Variants in STRA6 observed in about 807,000 individuals in gnomAD.
STRA6 encodes receptor for retinol uptake STRA6.
In STRA6, 48 loss-of-function variants were observed where a neutral mutation model predicts 83.6. That is an observed-to-expected ratio of 0.57 (90% CI 0.46 to 0.73). The LOEUF (loss-of-function observed/expected upper bound fraction) is 0.73, where lower values mean the gene tolerates loss of function less well. Ranked by LOEUF, STRA6 falls within the 30% of genes least tolerant of loss-of-function variation. STRA6 has a pLI of 0.00. For missense variants in STRA6, 760 were observed against 838.8 expected (o/e 0.91, Z 1.16); for synonymous variants, 353 against 362.3 (o/e 0.97, Z 0.29).
At chr15:74,206,022 C>T (rs139152519), upstream of STRA6, among the ~76,000 whole-genome samples, 23 of 152,344 alleles carry the variant, frequency 1.5e-4, no homozygotes, top group African/African-American at 5.5e-4. Flanking sequence ...CTGGGACTGG[C>T]TATGTGGCCT....
chr15:74,208,102 G>C (rs1428659791), intron 1 of STRA6: 1 of 1,135,656 alleles, frequency 8.8e-7, no homozygotes, highest in African/African-American at 1.6e-5. Context: ...ACACTGGTGA[G>C]GAGGAGGAGG....
upstream of STRA6, chr15:74,202,820 C>T: frequency 2.7e-6 from 3 of 1,091,194 alleles, no homozygotes; most frequent in Non-Finnish European, 3.3e-6. Context: ...TCCCTTGAGC[C>T]CCTCCCCCAG....
Position 74,202,041 on chromosome 15 carries a change from G to A in STRA6, c.113+114C>T, listed in dbSNP as rs2074093188. ...CCCAAGGTCACACAGCAAATGAGTG[G>A]CAGAGCCAGACCTAGCAGCCCCTGC... On this transcript the variant is annotated intron_variant, in intron 2 of 18. Transcript: ENST00000395105. The A allele has an allele frequency of 1.3e-5, 16 of 1,259,518 alleles. No homozygotes were observed. The South Asian group carries it at 3.3e-4, about 26-fold the overall frequency. The allele number at this position is 1,259,518 out of a possible 1,614,324, so 78.0% of individuals were successfully genotyped here.
chr15:74,208,058 G>A (rs1485874350), intron 1 of STRA6: 3 of 1,288,610 alleles, frequency 2.3e-6, no homozygotes, highest in Non-Finnish European at 3.0e-6. Context: ...ATAACATAAA[G>A]GATTTAGACC....
At chr15:74,194,127 C>T (rs1267401631) in intron 7 of STRA6, among the ~76,000 whole-genome samples, 1 of 152,020 alleles carries the variant, frequency 6.6e-6, no homozygotes, top group Non-Finnish European at 1.5e-5. Flanking sequence ...ATGCTCACCC[C>T]TCCCCCAGGC....
At chr15:74,197,263 C>A in intron 4 of STRA6, 75 bp downstream of exon 4, 1 of 1,121,544 alleles carries the variant, frequency 8.9e-7, no homozygotes, top group South Asian at 1.3e-5. Flanking sequence ...AGGTACCTAA[C>A]AAATCACCCA....
intron 11 of STRA6, among the ~76,000 whole-genome samples, chr15:74,190,150 C>T (rs1156552884): frequency 1.3e-5 from 2 of 152,174 alleles, no homozygotes; most frequent in African/African-American, 4.8e-5. Flanking sequence ...TGAGGGATGA[C>T]TGTGTCTGCA....
chr15:74,183,545 G>C, intron 14 of STRA6: 13 of 1,223,970 alleles, frequency 1.1e-5, no homozygotes, highest in Non-Finnish European at 1.3e-5. Context: ...AGCCCAGCCA[G>C]GAATGTACCA....
At chr15:74,184,717 C>T (rs1646485384) in intron 13 of STRA6, among the ~76,000 whole-genome samples, 1 of 152,216 alleles carries the variant, frequency 6.6e-6, no homozygotes, top group Admixed American at 6.5e-5. Context: ...ACTCAGGGGG[C>T]AAGCTCCACT....
At chr15:74,192,371 G>C (rs1489215584) in intron 8 of STRA6, among the ~76,000 whole-genome samples, 1 of 152,164 alleles carries the variant, frequency 6.6e-6, no homozygotes, top group Non-Finnish European at 1.5e-5. Context: ...GGCCTCAATA[G>C]GCAGGAGCTA....
chr15:74,194,924 G>T, intron 7 of STRA6: 1 of 1,422,102 alleles, frequency 7.0e-7, no homozygotes, highest in Non-Finnish European at 9.1e-7. Flanking sequence ...CCCTGACTTC[G>T]CACTTGCCGG....
upstream of STRA6, among the ~76,000 whole-genome samples, chr15:74,209,181 A>G (rs2074329174): frequency 6.6e-6 from 1 of 152,054 alleles, no homozygotes; most frequent in African/African-American, 2.4e-5. Context: ...GGGGCCCCAC[A>G]CAACACACAG....
At chr15:74,189,050 T>A in intron 12 of STRA6, 65 bp downstream of exon 12, 1 of 1,595,158 alleles carries the variant, frequency 6.3e-7, no homozygotes, top group Non-Finnish European at 8.6e-7. Context: ...GACTAGGGCA[T>A]AGACCTTGGG....
At chr15:74,187,827 G>T (rs866961813) in intron 12 of STRA6, among the ~76,000 whole-genome samples, 2 of 152,302 alleles carry the variant, frequency 1.3e-5, no homozygotes, top group South Asian at 4.1e-4. Context: ...ATGATGAGTG[G>T]AAGCAGAGTC....
At chr15:74,208,266 T>C (rs1339015455) in intron 1 of STRA6, among the ~76,000 whole-genome samples, 1 of 152,166 alleles carries the variant, frequency 6.6e-6, no homozygotes, top group Non-Finnish European at 1.5e-5. Context: ...AAGAAGAGGC[T>C]GTTAACATCA....
intron 18 of STRA6, 60 bp downstream of exon 18, chr15:74,180,722 C>T (rs538799368): frequency 1.9e-6 from 3 of 1,553,088 alleles, no homozygotes; most frequent in South Asian, 1.2e-5. Context: ...GAGGGGCACA[C>T]ATCCTTCCTA....
rs1283204819 is a variant in STRA6 at position 74,180,078 on chromosome 15, C to T, written c.*2G>A. On this transcript the variant is annotated 3_prime_UTR_variant, in exon 19 of 19. Transcript: ENST00000395105. ...GGGCAGGTGGGTTGACCTTCCCTGC[C>T]CTCAGGGCTGGGCACCATTGGCACC... is the stretch of plus-strand genomic sequence containing the variant. The T allele has an allele frequency of 1.2e-6, 2 of 1,612,644 alleles. No individual in the cohort carries two copies. The highest frequency in any genetic ancestry group is 2.2e-5 in the South Asian group (2 of 91,012).
chr15:74,179,848 C>T lies in STRA6; in HGVS notation c.*232G>A, dbSNP rs953295315. On this transcript the variant is annotated 3_prime_UTR_variant, in exon 19 of 19. Transcript: ENST00000395105. ...CTGGCTCCTGGACCAAGGCCCTAAC[C>T]CACCAGTTTCTTTCTCCAGAACCCC... 17 of 570,952 alleles carry T rather than the reference C, an allele frequency of 3.0e-5. No individual in the cohort carries two copies. Among genetic ancestry groups the T allele is most frequent in the Admixed American group, 1.2e-4 (4 of 32,328 alleles). The allele number at this position is 570,952 out of a possible 1,614,324, so 35.4% of individuals were successfully genotyped here. A position where few individuals can be genotyped will look rare whatever the true frequency, so the allele number is the denominator to read the frequency against.
chr15:74,195,013 G>A, intron 7 of STRA6: 9 of 1,434,520 alleles, frequency 6.3e-6, no homozygotes, highest in Non-Finnish European at 8.2e-6. Context: ...AGGCATTGGG[G>A]GTGGGGGCCA....
Sources: allele counts gnomAD v4.1 joint callset (sites outside exome capture counted in the v4.1 genomes callset), GRCh38; gene constraint gnomAD v4.1.1; transcripts MANE v1.5; gene names NCBI Gene and HGNC (gene_info 2026-07-23, HGNC 2026-07-21).